CEP63: variants seen among roughly 807,000 people sequenced by gnomAD.
CEP63 encodes the protein centrosomal protein 63, also known as centrosomal protein of 63 kDa.
Under a neutral mutation model 89.1 loss-of-function variants are expected in CEP63, and 84 were observed. The ratio of observed to expected loss-of-function variants is 0.94; its 90% CI spans 0.79 to 1.13. The LOEUF (loss-of-function observed/expected upper bound fraction) is 1.13, where lower values mean the gene tolerates loss of function less well. CEP63 is among the 50% of genes most tolerant of loss of function. The pLI is 0.00. For missense variants in CEP63, 838 were observed against 813.3 expected (o/e 1.03, Z -0.37); for synonymous variants, 267 against 272.5 (o/e 0.98, Z 0.20).
At chr3:134,573,777 C>G (rs576535388) in intron 11 of CEP63, among the ~76,000 whole-genome samples, 108 of 152,234 alleles carry the variant, frequency 7.1e-4, no homozygotes, top group Middle Eastern at 3.4e-3. Context: ...GATAATAAAT[C>G]AACTTACCCA....
At chr3:134,771,735 T>C in the CEP63 span, among the ~76,000 whole-genome samples, 1 of 152,198 alleles carries the variant, frequency 6.6e-6, no homozygotes, top group Admixed American at 6.5e-5. Context: ...TGTATACCTA[T>C]GTAACAAACC....
At chr3:134,644,937 G>C in the CEP63 span, among the ~76,000 whole-genome samples, 32 of 152,224 alleles carry the variant, frequency 2.1e-4, no homozygotes, top group Admixed American at 2.1e-3. Context: ...CGGGGCTGGA[G>C]CCCCAGATCA....
the CEP63 span, among the ~76,000 whole-genome samples, chr3:134,721,313 A>G: frequency 6.6e-6 from 1 of 152,130 alleles, no homozygotes; most frequent in Non-Finnish European, 1.5e-5. Context: ...TGATTGTAAT[A>G]TATTGACCTT....
the CEP63 span, among the ~76,000 whole-genome samples, chr3:134,701,230 G>A: frequency 4.1e-5 from 5 of 123,368 alleles, no homozygotes; most frequent in South Asian, 8.2e-4. Flanking sequence ...GTATATATAC[G>A]TATATATACA....
chr3:134,760,106 T>A, the CEP63 span, among the ~76,000 whole-genome samples: 5 of 147,234 alleles, frequency 3.4e-5, no homozygotes, highest in Non-Finnish European at 7.4e-5. Flanking sequence ...TCGCCCAGGC[T>A]GGAGTGCAGT....
intron 13 of CEP63, 123 bp from the exon 14 acceptor site, chr3:134,559,026 GT>G (rs1956824195): frequency 1.1e-6 from 1 of 919,182 alleles, no homozygotes; most frequent in Admixed American, 2.2e-5. Flanking sequence ...ATCTGAGTAG[GT>G]TGCTCATTTT....
intron 3 of CEP63, among the ~76,000 whole-genome samples, chr3:134,521,777 C>G (rs7627188): frequency 6.6e-6 from 1 of 152,146 alleles, no homozygotes; most frequent in African/African-American, 2.4e-5. Flanking sequence ...GTCCAATTAA[C>G]TAAATTGAAG....
At chr3:134,586,434 T>G (rs764516948) in intron 10 of CEP63, among the ~76,000 whole-genome samples, 1 of 152,180 alleles carries the variant, frequency 6.6e-6, no homozygotes, top group Non-Finnish European at 1.5e-5. Context: ...AAGGATTTTA[T>G]TTCTCCTTCA....
the CEP63 span, among the ~76,000 whole-genome samples, chr3:134,752,526 C>T: frequency 6.6e-6 from 1 of 152,168 alleles, no homozygotes; most frequent in Non-Finnish European, 1.5e-5. Flanking sequence ...CAGCCAACTC[C>T]TCCTGCAGGA....
intron 11 of CEP63, among the ~76,000 whole-genome samples, chr3:134,570,760 A>C (rs1957979090): frequency 1.3e-5 from 2 of 152,200 alleles, no homozygotes; most frequent in South Asian, 4.1e-4. Context: ...TTACTGTATT[A>C]GTCTGTTTTC....
chr3:134,727,033 T>C, the CEP63 span, among the ~76,000 whole-genome samples: 2 of 152,230 alleles, frequency 1.3e-5, no homozygotes, highest in South Asian at 4.1e-4. Context: ...TTCTTCATGC[T>C]GCCCTCCCAT....
chr3:134,545,314 A>G (rs2109573466), intron 6 of CEP63, among the ~76,000 whole-genome samples: 1 of 151,812 alleles, frequency 6.6e-6, no homozygotes, highest in East Asian at 1.9e-4. Context: ...TATTTTTTAT[A>G]AAGACAGGGT....
downstream of CEP63, among the ~76,000 whole-genome samples, chr3:134,576,629 T>G (rs1018892556): frequency 1.3e-5 from 2 of 152,242 alleles, no homozygotes; most frequent in Non-Finnish European, 2.9e-5. Context: ...GAATGTGGAC[T>G]ATGATCCTAA....
At chr3:134,592,328 G>A (rs776397856), downstream of CEP63, among the ~76,000 whole-genome samples, 10 of 152,158 alleles carry the variant, frequency 6.6e-5, no homozygotes, top group Non-Finnish European at 8.8e-5. Flanking sequence ...TCATTTCTGC[G>A]ACATTCTATT....
chr3:134,486,237 C>T lies in CEP63; in HGVS notation c.-26+35C>T, dbSNP rs547547992. 4 of 985,456 alleles carry T rather than the reference C, an allele frequency of 4.1e-6. No homozygotes were observed. The East Asian group carries it at 3.4e-4, about 84-fold the overall frequency. The allele number at this position is 985,456 out of a possible 1,614,324, so 61.0% of individuals were successfully genotyped here. On this transcript the variant is annotated intron_variant, in intron 1 of 14. Coordinates refer to ENST00000675561, the MANE Select transcript of CEP63 (RefSeq NM_001353108.3). ...GGAAGGCTCAGGGGCGTGCTTGCGG[C>T]AACCCTGTAACCGCCGGTGCGCAAG...
the CEP63 span, among the ~76,000 whole-genome samples, chr3:134,772,247 C>A: frequency 7.0e-6 from 1 of 143,058 alleles, no homozygotes. Context: ...ATGGGAGAAA[C>A]CTGACCCTTT....
At chr3:134,580,101 G>A (rs867596838) in intron 10 of CEP63, among the ~76,000 whole-genome samples, 3 of 151,888 alleles carry the variant, frequency 2.0e-5, no homozygotes, top group Admixed American at 1.3e-4. Context: ...AGGCTGAGGC[G>A]GGAGAATCGC....
the CEP63 span, chr3:134,625,024 C>T: frequency 6.4e-7 from 1 of 1,563,946 alleles, no homozygotes; most frequent in Non-Finnish European, 8.7e-7. Context: ...CTTGAAGGGG[C>T]CCATGGTCAG....
At chr3:134,616,378 C>A in the CEP63 span, among the ~76,000 whole-genome samples, 1 of 152,178 alleles carries the variant, frequency 6.6e-6, no homozygotes, top group Non-Finnish European at 1.5e-5. Flanking sequence ...ATGATGTCCA[C>A]CCTGACAACC....
Sources: allele counts gnomAD v4.1 joint callset (sites outside exome capture counted in the v4.1 genomes callset), GRCh38; gene constraint gnomAD v4.1.1; transcripts MANE v1.5; gene names NCBI Gene and HGNC (gene_info 2026-07-23, HGNC 2026-07-21).